The following MACROD2 variants were observed in gnomAD, a reference collection of about 807,000 sequenced individuals.
MACROD2 encodes the protein mono-ADP ribosylhydrolase 2.
MACROD2 carries 36 observed loss-of-function variants against 70.4 expected under a neutral mutation model. The observed-to-expected ratio is 0.51, with a 90% CI of 0.39 to 0.68. The LOEUF is 0.68. Among genes scored for constraint, MACROD2 ranks in the 30% least tolerant of loss-of-function variants. The pLI is 0.00. For missense variants in MACROD2, 496 were observed against 538.4 expected, an observed-to-expected ratio of 0.92 and a Z score of 0.78; for synonymous variants, 172 against 178.8, an observed-to-expected ratio of 0.96 and a Z score of 0.30.
intron 3 of MACROD2, among the ~76,000 whole-genome samples, chr20:14,193,974 A>C (rs2081409659): frequency 6.6e-6 from 1 of 152,186 alleles, no homozygotes; most frequent in Non-Finnish European, 1.5e-5. Context: ...TTTTATTGGA[A>C]GAAGGTCCAA....
At chr20:15,160,156 GA>G (rs1568608628) in intron 5 of MACROD2, among the ~76,000 whole-genome samples, 1 of 151,944 alleles carries the variant, frequency 6.6e-6, no homozygotes, top group African/African-American at 2.4e-5. Flanking sequence ...AGGGTGTGTT[GA>G]AGGTGGTTGA....
chr20:15,929,029 C>T (rs1357516757), intron 10 of MACROD2, among the ~76,000 whole-genome samples: 1 of 152,106 alleles, frequency 6.6e-6, no homozygotes, highest in Non-Finnish European at 1.5e-5. Flanking sequence ...CATAATAATG[C>T]TGTGCAATAA....
intron 4 of MACROD2, among the ~76,000 whole-genome samples, chr20:14,612,139 C>G (rs987177568): frequency 1.3e-5 from 2 of 152,020 alleles, no homozygotes; most frequent in Non-Finnish European, 2.9e-5. Context: ...ATTATCTAGC[C>G]AGATGTTTAA....
In MACROD2 at chr20:15,809,938, T is replaced by G. The variant is rs189274197; in HGVS notation, c.646-52807T>G. 7.9e-3 allele frequency among the ~76,000 whole-genome samples: 1,192 copies of G among 151,156 alleles called. 14 individuals are homozygous for G. Among genetic ancestry groups the G allele is most frequent in the African/African-American group, 0.027 (1,115 of 41,124 alleles). On this transcript the variant is annotated intron_variant, in intron 8 of 17. Transcript: ENST00000684519. ...TGCAGGTTTGTTACATATGTATACA[T>G]GTGCCATGTTGGTGTACTGCACCCA...
intron 5 of MACROD2, among the ~76,000 whole-genome samples, chr20:14,912,965 C>A (rs1329575958): frequency 6.6e-6 from 1 of 152,022 alleles, no homozygotes; most frequent in East Asian, 1.9e-4. Context: ...CATAAAGTAT[C>A]CAGAAGTACT....
chr20:15,664,629 G>A (rs12480191), intron 8 of MACROD2, among the ~76,000 whole-genome samples: 7,632 of 152,242 alleles, frequency 0.05, 315 homozygotes, highest in East Asian at 0.2. Flanking sequence ...TCCTCACTGC[G>A]AGTTGTGCTC....
rs370279724 is a variant in MACROD2 at position 14,443,365 on chromosome 20, C to T, written c.272-50114C>T. Among the ~76,000 whole-genome samples, 4 of 149,704 alleles carry T rather than the reference C, an allele frequency of 2.7e-5. No homozygotes were observed. In the East Asian group the frequency reaches 6.0e-4, roughly 23 times the overall value. On this transcript the variant is annotated intron_variant, in intron 3 of 17. Coordinates refer to ENST00000684519, the MANE Select transcript of MACROD2 (RefSeq NM_001351661.2). ...AGGCTGGAGTGCAGTGGCATAATCTCGGCTCACTGCAACCACTGCCTCCTG... is the reference window on the plus strand; with the variant it reads ...AGGCTGGAGTGCAGTGGCATAATCTTGGCTCACTGCAACCACTGCCTCCTG...
chr20:14,902,691 C>A (rs1336407206), intron 5 of MACROD2, among the ~76,000 whole-genome samples: 1 of 151,968 alleles, frequency 6.6e-6, no homozygotes, highest in African/African-American at 2.4e-5. Flanking sequence ...AAAATAGGGA[C>A]CTTGCAGCTG....
chr20:14,719,475 AAAAAAAAAAAAAGAAAGAAAGAAAG>A (rs1303844505), intron 5 of MACROD2, among the ~76,000 whole-genome samples: 4 of 2,528 alleles, frequency 1.6e-3, no homozygotes, highest in Admixed American at 4.0e-3. Flanking sequence ...GATAGAAAGA[AAAAAAAAAAAAAGAAAGAAAGAAAG>A]AAAAAGAAAA....
chr20:15,199,979 A>T (rs768554847), intron 5 of MACROD2, among the ~76,000 whole-genome samples: 1 of 152,254 alleles, frequency 6.6e-6, no homozygotes, highest in Non-Finnish European at 1.5e-5. Context: ...ATTCATAATG[A>T]TACCAACTCA....
chr20:14,835,309 A>C (rs1479234666), intron 5 of MACROD2, among the ~76,000 whole-genome samples: 7 of 152,104 alleles, frequency 4.6e-5, no homozygotes, highest in Non-Finnish European at 8.8e-5. Flanking sequence ...TTTAGAAATG[A>C]AAGAACATGT....
At chr20:15,220,508 G>A (rs1283527810) in intron 5 of MACROD2, among the ~76,000 whole-genome samples, 1 of 152,248 alleles carries the variant, frequency 6.6e-6, no homozygotes, top group African/African-American at 2.4e-5. Flanking sequence ...TGCCTTGAAT[G>A]ATAGGGCATT....
intron 8 of MACROD2, among the ~76,000 whole-genome samples, chr20:15,805,823 T>C (rs1411374323): frequency 6.6e-6 from 1 of 152,156 alleles, no homozygotes; most frequent in Admixed American, 6.5e-5. Context: ...TCAGTGAGGA[T>C]TGATGTTGAC....
At chr20:15,127,244 T>TA (rs779299193) in intron 5 of MACROD2, among the ~76,000 whole-genome samples, 3 of 151,902 alleles carry the variant, frequency 2.0e-5, no homozygotes, top group African/African-American at 4.8e-5. Flanking sequence ...TGGTGCAAAA[T>TA]AAATAAATGC....
At chr20:14,577,141 A>C (rs950131429) in intron 4 of MACROD2, among the ~76,000 whole-genome samples, 4 of 152,216 alleles carry the variant, frequency 2.6e-5, no homozygotes, top group African/African-American at 9.6e-5. Flanking sequence ...GATACTATTT[A>C]AGGTGATGGT....
intron 5 of MACROD2, among the ~76,000 whole-genome samples, chr20:15,174,318 G>C (rs970792103): frequency 2.0e-5 from 3 of 152,110 alleles, no homozygotes; most frequent in Non-Finnish European, 2.9e-5. Context: ...AATTGATTAA[G>C]ATAATAATCC....
At chr20:14,395,932 G>GT in intron 3 of MACROD2, among the ~76,000 whole-genome samples, 1 of 151,968 alleles carries the variant, frequency 6.6e-6, no homozygotes, top group East Asian at 1.9e-4. Context: ...GTTTATTTTT[G>GT]TTTTTAGAGA....
chr20:14,186,910 A>T (rs1262069223), intron 3 of MACROD2, among the ~76,000 whole-genome samples: 1 of 152,156 alleles, frequency 6.6e-6, no homozygotes, highest in East Asian at 1.9e-4. Context: ...ACACATGGAC[A>T]TAAAGATAGG....
rs528373525 is a variant in MACROD2, at chr20:15,150,811, C to T, written c.419-79129C>T. The stretch of plus-strand genomic sequence containing the variant: ...AAAGTGTCTCGGCCTAATAAGGGAA[C>T]TGAGCAGGTGGGGATAACTAAAAAG... On this transcript the variant is annotated intron_variant, in intron 5 of 17. Coordinates refer to ENST00000684519, the MANE Select transcript of MACROD2 (RefSeq NM_001351661.2). 3.9e-5 allele frequency among the ~76,000 whole-genome samples: 6 copies of T among 152,034 alleles called. No homozygotes were observed. In the South Asian group the frequency reaches 1.2e-3, roughly 32 times the overall value.
Sources: allele counts gnomAD v4.1 joint callset (sites outside exome capture counted in the v4.1 genomes callset), GRCh38; gene constraint gnomAD v4.1.1; transcripts MANE v1.5; gene names NCBI Gene and HGNC (gene_info 2026-07-23, HGNC 2026-07-21).